Variants in ARHGAP31 observed in about 807,000 individuals in gnomAD.
ARHGAP31 encodes rho GTPase-activating protein 31.
Under a neutral mutation model 113.9 loss-of-function variants are expected in ARHGAP31, and 34 were observed. The observed-to-expected ratio is 0.30, with a 90% CI of 0.23 to 0.40. The LOEUF (loss-of-function observed/expected upper bound fraction) is 0.40, where lower values mean the gene tolerates loss of function less well. ARHGAP31 is among the 10% of genes least tolerant of loss of function. The probability of loss-of-function intolerance (pLI) is 1.00; values close to 1 mark genes in which losing one functional copy is unlikely to be tolerated. For synonymous variants in ARHGAP31, 650 were observed against 684.8 expected (o/e 0.95, Z 0.79); for missense variants, 1,548 against 1,767.1 (o/e 0.88, Z 2.22).
At chr3:119,323,661 C>A (rs920179742) in intron 1 of ARHGAP31, among the ~76,000 whole-genome samples, 2 of 152,170 alleles carry the variant, frequency 1.3e-5, no homozygotes, top group African/African-American at 2.4e-5. Context: ...CCAATGGTGG[C>A]TGGAGCAAGC....
At chr3:119,319,645 A>G (rs1307283122) in intron 1 of ARHGAP31, among the ~76,000 whole-genome samples, 1 of 152,226 alleles carries the variant, frequency 6.6e-6, no homozygotes, top group East Asian at 1.9e-4. Context: ...GTACTGAAGC[A>G]TCATATCCCC....
chr3:119,388,338 A>G (rs547336938), intron 6 of ARHGAP31, among the ~76,000 whole-genome samples: 27 of 149,734 alleles, frequency 1.8e-4, no homozygotes, highest in African/African-American at 6.6e-4. Context: ...ACACATTTTA[A>G]AATGTTTGCT....
intron 1 of ARHGAP31, among the ~76,000 whole-genome samples, chr3:119,345,527 G>A (rs2080048778): frequency 6.6e-6 from 1 of 152,130 alleles, no homozygotes. Flanking sequence ...AGAGGAGACT[G>A]ATCAACAGGC....
In ARHGAP31 at chr3:119,415,442, A is replaced by C. The variant is rs1460919314; in HGVS notation, c.3513A>C (p.Ala1171=). 5 of 1,613,940 alleles carry C rather than the reference A, an allele frequency of 3.1e-6. No individual in the cohort carries two copies. The highest frequency in any genetic ancestry group is 1.3e-5 in the African/African-American group (1 of 74,920). Residue 1171 remains alanine, a synonymous_variant, in exon 12 of 12, where the codon GCA becomes GCC. Transcript: ENST00000264245. ...DPQDLDIVAH[A]LTGRRNSAPV... Reference sequence around the variant, plus strand: ...AGGACCTGGACATTGTTGCTCATGCACTGACAGGCCGCCGTAACTCAGCTC... The same window carrying C: ...AGGACCTGGACATTGTTGCTCATGCCCTGACAGGCCGCCGTAACTCAGCTC...
Position 119,414,459 on chromosome 3 carries a change from A to G in ARHGAP31, c.2530A>G (p.Ser844Gly). The change falls in exon 12 of 12, where the codon AGT becomes GGT. Residue 844 changes from serine (S) to glycine (G), a missense_variant. Transcript: ENST00000264245. The stretch of plus-strand genomic sequence containing the variant: ...GGGAGAGGAGGCAACCCCAAGACAC[A>G]GTGACAAGCAAAATTCAAAGAATGC... ...CQGEEATPRH[S>G]DKQNSKNAAS... 1 of 1,614,240 alleles carries G rather than the reference A, an allele frequency of 6.2e-7. No homozygotes were observed. Among genetic ancestry groups the G allele is most frequent in the Non-Finnish European group, 8.5e-7 (1 of 1,180,036 alleles).
At chr3:119,352,257 T>C (rs542302935) in intron 1 of ARHGAP31, among the ~76,000 whole-genome samples, 1 of 152,284 alleles carries the variant, frequency 6.6e-6, no homozygotes, top group Non-Finnish European at 1.5e-5. Flanking sequence ...TTGAATCTTT[T>C]TCTCTACTCA....
At chr3:119,393,360 A>C in intron 7 of ARHGAP31, 107 bp from the exon 8 acceptor site, 1 of 1,398,418 alleles carries the variant, frequency 7.2e-7, no homozygotes, top group Non-Finnish European at 1.0e-6. Context: ...TTGAAATATC[A>C]GAGCCATTCA....
intron 1 of ARHGAP31, among the ~76,000 whole-genome samples, chr3:119,303,735 A>G (rs2079605688): frequency 1.3e-5 from 2 of 152,052 alleles, no homozygotes; most frequent in Admixed American, 1.3e-4. Context: ...AAGGCAATTG[A>G]GCTAATTTGT....
At chr3:119,383,983 T>C (rs1216854720) in intron 6 of ARHGAP31, among the ~76,000 whole-genome samples, 1 of 152,230 alleles carries the variant, frequency 6.6e-6, no homozygotes, top group Non-Finnish European at 1.5e-5. Flanking sequence ...TGCTTTAATA[T>C]GTTTGGAGTG....
chr3:119,327,657 C>T (rs532717388), intron 1 of ARHGAP31, among the ~76,000 whole-genome samples: 1 of 152,184 alleles, frequency 6.6e-6, no homozygotes, highest in South Asian at 2.1e-4. Flanking sequence ...TGTTTGTCAC[C>T]AGTTCATGTA....
At chr3:119,387,486 C>T (rs2080463661) in intron 6 of ARHGAP31, among the ~76,000 whole-genome samples, 1 of 152,186 alleles carries the variant, frequency 6.6e-6, no homozygotes, top group African/African-American at 2.4e-5. Context: ...TTTTATTATA[C>T]TGGAACAGCT....
At position 119,336,558 on chromosome 3, in the gene ARHGAP31, A is replaced by G. The variant is rs144350564; in HGVS notation, c.101-28758A>G. The stretch of plus-strand genomic sequence containing the variant: ...CCAAGCACTGATAATTCTAATATTG[A>G]CAGTGATAAAATATTCCTCCCCACA... On this transcript the variant is annotated intron_variant, in intron 1 of 11. Coordinates refer to ENST00000264245, the MANE Select transcript of ARHGAP31 (RefSeq NM_020754.4). Among the ~76,000 whole-genome samples, 245 of 152,358 alleles carry G rather than the reference A, an allele frequency of 1.6e-3. 1 individual carries two copies. The highest frequency in any genetic ancestry group is 5.4e-3 in the African/African-American group (224 of 41,594).
At chr3:119,373,934 G>A (rs896659368) in intron 3 of ARHGAP31, among the ~76,000 whole-genome samples, 3 of 152,132 alleles carry the variant, frequency 2.0e-5, no homozygotes, top group Admixed American at 2.0e-4. Flanking sequence ...ACAAATAATT[G>A]ATGTACAAGT....
At position 119,349,448 on chromosome 3, in the gene ARHGAP31, T is replaced by C. The variant is rs765251272; in HGVS notation, c.101-15868T>C. 1.1e-4 allele frequency among the ~76,000 whole-genome samples: 17 copies of C among 152,226 alleles called. No individual in the cohort carries two copies. The Middle Eastern group carries it at 0.017, about 152-fold the overall frequency. On this transcript the variant is annotated intron_variant, in intron 1 of 11. Coordinates refer to ENST00000264245, the MANE Select transcript of ARHGAP31 (RefSeq NM_020754.4). Reference sequence around the variant, plus strand: ...TTCTGAAGAACGCAGGAGAGAAGCATCTCCTGGGGACAATTTACATCCTGG... The same window carrying C: ...TTCTGAAGAACGCAGGAGAGAAGCACCTCCTGGGGACAATTTACATCCTGG...
intron 1 of ARHGAP31, chr3:119,341,910 A>G (rs1048042124): frequency 1.3e-5 from 2 of 151,888 alleles, no homozygotes; most frequent in African/African-American, 4.8e-5. Context: ...TATGGTTCCA[A>G]TTTTAGTATA....
At chr3:119,378,176 C>T (rs2080364855) in intron 3 of ARHGAP31, among the ~76,000 whole-genome samples, 1 of 152,120 alleles carries the variant, frequency 6.6e-6, no homozygotes. Context: ...GAGTGAAATT[C>T]TCTCACAGGC....
rs531958475 is a variant in ARHGAP31 at position 119,375,223 on chromosome 3, A to G, written c.349-5681A>G. Among the ~76,000 whole-genome samples the G allele has an allele frequency of 3.0e-4, 45 of 152,322 alleles. No homozygotes were observed. The South Asian group carries it at 8.9e-3, about 30-fold the overall frequency. On this transcript the variant is annotated intron_variant, in intron 3 of 11. Coordinates refer to ENST00000264245, the MANE Select transcript of ARHGAP31 (RefSeq NM_020754.4). ...ATTGCCTCACAGGTCTGGAGGCCAGAAGTCTGAAATCGGCTTCACTGGGCT... is the reference window on the plus strand; with the variant it reads ...ATTGCCTCACAGGTCTGGAGGCCAGGAGTCTGAAATCGGCTTCACTGGGCT...
chr3:119,323,108 C>T (rs998497278), intron 1 of ARHGAP31, among the ~76,000 whole-genome samples: 32 of 152,248 alleles, frequency 2.1e-4, no homozygotes, highest in Non-Finnish European at 3.1e-4. Context: ...AGCTTCCTCC[C>T]GCTGCTCCGC....
intron 6 of ARHGAP31, among the ~76,000 whole-genome samples, chr3:119,388,018 A>G: frequency 6.6e-6 from 1 of 152,128 alleles, no homozygotes; most frequent in East Asian, 1.9e-4. Flanking sequence ...AAATGTTCCA[A>G]AGACAGAGAA....
Sources: gnomAD v4.1 joint callset for allele counts (sites outside exome capture counted in the v4.1 genomes callset) on GRCh38, gnomAD v4.1.1 for gene constraint, MANE v1.5 for transcripts, NCBI Gene and HGNC (gene_info 2026-07-23, HGNC 2026-07-21) for gene names.